Variants in CDK14 observed in about 807,000 individuals in gnomAD.
CDK14 encodes the protein cyclin dependent kinase 14, also known as cyclin-dependent kinase 14.
A neutral mutation model predicts 60.7 loss-of-function variants in CDK14; 34 were observed. That is an observed-to-expected ratio of 0.56 (90% CI 0.43 to 0.75). CDK14 has a LOEUF of 0.75. CDK14 is among the 30% of genes least tolerant of loss of function. The probability of loss-of-function intolerance (pLI) is 0.00; values close to 1 mark genes in which losing one functional copy is unlikely to be tolerated. For synonymous variants in CDK14, 197 were observed against 203.7 expected, an observed-to-expected ratio of 0.97 and a Z score of 0.28; for missense variants, 482 against 564.1, an observed-to-expected ratio of 0.85 and a Z score of 1.47.
chr7:90,998,185 T>G (rs1213910811), intron 10 of CDK14, among the ~76,000 whole-genome samples: 1 of 152,226 alleles, frequency 6.6e-6, no homozygotes, highest in Non-Finnish European at 1.5e-5. Flanking sequence ...AAAAATATTT[T>G]AGATGAATAT....
chr7:90,690,725 G>T (rs576705018), intron 2 of CDK14, among the ~76,000 whole-genome samples: 1 of 125,068 alleles, frequency 8.0e-6, no homozygotes, highest in Non-Finnish European at 1.7e-5. Flanking sequence ...TTTATGAGCC[G>T]CAACATACAT....
chr7:91,167,702 AAG>A (rs1801387505), intron 14 of CDK14, among the ~76,000 whole-genome samples: 1 of 152,202 alleles, frequency 6.6e-6, no homozygotes, highest in African/African-American at 2.4e-5. Flanking sequence ...CTCTGATGCA[AAG>A]AGAGGCCGTA....
At chr7:90,735,965 C>T (rs547287574) in intron 3 of CDK14, among the ~76,000 whole-genome samples, 21 of 152,314 alleles carry the variant, frequency 1.4e-4, no homozygotes, top group African/African-American at 4.3e-4. Context: ...TAGGCACCGG[C>T]GGGAATCTCC....
chr7:90,712,611 G>A (rs1802106881), intron 2 of CDK14, among the ~76,000 whole-genome samples: 1 of 152,018 alleles, frequency 6.6e-6, no homozygotes, highest in Admixed American at 6.6e-5. Context: ...ATGGGAAAGG[G>A]CAAGGAATAA....
intron 6 of CDK14, among the ~76,000 whole-genome samples, chr7:90,875,905 A>G (rs770552804): frequency 6.6e-6 from 1 of 152,098 alleles, no homozygotes; most frequent in Non-Finnish European, 1.5e-5. Flanking sequence ...CATTTATAAT[A>G]TATTCTTCCT....
At chr7:90,693,260 C>T (rs903659279) in intron 2 of CDK14, among the ~76,000 whole-genome samples, 1 of 152,106 alleles carries the variant, frequency 6.6e-6, no homozygotes, top group African/African-American at 2.4e-5. Context: ...AACATCTGCT[C>T]TCCTTCATAC....
At chr7:91,187,543 C>T (rs1228962504) in intron 14 of CDK14, among the ~76,000 whole-genome samples, 8 of 152,226 alleles carry the variant, frequency 5.3e-5, no homozygotes, top group African/African-American at 7.2e-5. Context: ...GAAGTGGCAT[C>T]GTTGTCTAGG....
At chr7:90,639,121 T>G (rs1042692796) in intron 2 of CDK14, among the ~76,000 whole-genome samples, 4 of 152,252 alleles carry the variant, frequency 2.6e-5, no homozygotes, top group African/African-American at 9.6e-5. Flanking sequence ...GAAGCCTTCT[T>G]CTCTCAACTC....
intron 13 of CDK14, 94 bp downstream of exon 13, chr7:91,112,775 T>C: frequency 7.6e-7 from 1 of 1,318,556 alleles, no homozygotes; most frequent in Non-Finnish European, 1.1e-6. Flanking sequence ...TTCACATATT[T>C]GTGTGTCCAC....
At chr7:91,043,618 T>C (rs1797150712) in intron 10 of CDK14, among the ~76,000 whole-genome samples, 2 of 152,244 alleles carry the variant, frequency 1.3e-5, no homozygotes, top group Admixed American at 1.3e-4. Flanking sequence ...CTTTTGTCTC[T>C]TTTCTCATGT....
intron 5 of CDK14, among the ~76,000 whole-genome samples, chr7:90,827,577 G>T (rs1434577719): frequency 2.0e-5 from 3 of 152,298 alleles, no homozygotes; most frequent in East Asian, 3.9e-4. Flanking sequence ...AGAACACGGA[G>T]GGTTTAAAAG....
At chr7:91,056,285 G>A (rs1449191645) in intron 11 of CDK14, among the ~76,000 whole-genome samples, 1 of 152,170 alleles carries the variant, frequency 6.6e-6, no homozygotes, top group Non-Finnish European at 1.5e-5. Flanking sequence ...TCGTGACTAA[G>A]TGGTTGACCC....
chr7:90,879,200 T>A (rs185413365), intron 6 of CDK14, among the ~76,000 whole-genome samples: 1 of 152,344 alleles, frequency 6.6e-6, no homozygotes, highest in East Asian at 1.9e-4. Flanking sequence ...CCTTGAAGAC[T>A]TCTTTTATGA....
intron 10 of CDK14, among the ~76,000 whole-genome samples, chr7:91,015,528 T>G (rs1000871787): frequency 9.9e-5 from 13 of 131,358 alleles, no homozygotes; most frequent in African/African-American, 3.7e-4. Flanking sequence ...TGGGTTTTTT[T>G]TTTTTTTTTT....
chr7:90,967,716 C>G (rs1794794370), intron 9 of CDK14, among the ~76,000 whole-genome samples: 1 of 152,120 alleles, frequency 6.6e-6, no homozygotes, highest in African/African-American at 2.4e-5. Flanking sequence ...GAAAGTAGTT[C>G]TTTGGATCTG....
rs183050920 is a variant in CDK14, at chr7:91,102,478, T to C, written c.1155-10064T>C. Among the ~76,000 whole-genome samples the C allele has an allele frequency of 1.6e-4, 24 of 152,306 alleles. No homozygotes were observed. The East Asian group carries it at 3.7e-3, about 23-fold the overall frequency. ...CTTTACTCTTTATATCCAGTTTTCA[T>C]GAGCTAAAACAATAAATTCCAGTGG... On this transcript the variant is annotated intron_variant, in intron 12 of 14. Transcript: ENST00000380050.
chr7:90,848,798 A>G (rs754433275), intron 5 of CDK14, among the ~76,000 whole-genome samples: 3 of 152,222 alleles, frequency 2.0e-5, no homozygotes, highest in Non-Finnish European at 4.4e-5. Flanking sequence ...CAAATGTCCC[A>G]TGCTAATAAC....
At chr7:91,118,861 G>C (rs1013066695) in intron 14 of CDK14, among the ~76,000 whole-genome samples, 1 of 152,090 alleles carries the variant, frequency 6.6e-6, no homozygotes, top group African/African-American at 2.4e-5. Flanking sequence ...CTATTGTGCA[G>C]ATAGGAAGCA....
At chr7:90,968,183 G>T (rs905474213) in intron 9 of CDK14, among the ~76,000 whole-genome samples, 5 of 152,080 alleles carry the variant, frequency 3.3e-5, no homozygotes, top group African/African-American at 1.2e-4. Context: ...TTATGTAATT[G>T]GTAAACTTAG....
Sources: gnomAD v4.1 joint callset for allele counts (sites outside exome capture counted in the v4.1 genomes callset) on GRCh38, gnomAD v4.1.1 for gene constraint, MANE v1.5 for transcripts, NCBI Gene and HGNC (gene_info 2026-07-23, HGNC 2026-07-21) for gene names.